The following SRPK2 variants were observed in gnomAD, a reference collection of about 807,000 sequenced individuals.
The protein encoded by SRPK2 is SFRS protein kinase 2.
A neutral mutation model predicts 90.8 loss-of-function variants in SRPK2; 21 were observed. That is an observed-to-expected ratio of 0.23 (90% CI 0.16 to 0.33). The LOEUF (loss-of-function observed/expected upper bound fraction) is 0.33. Ranked by LOEUF, SRPK2 falls within the 10% of genes least tolerant of loss-of-function variation. The pLI is 1.00. For missense variants in SRPK2, 620 were observed against 869.0 expected, an observed-to-expected ratio of 0.71 and a Z score of 3.60; for synonymous variants, 288 against 311.1, an observed-to-expected ratio of 0.93 and a Z score of 0.78.
intron 2 of SRPK2, among the ~76,000 whole-genome samples, chr7:105,285,615 A>G (rs1807994401): frequency 6.6e-6 from 1 of 152,166 alleles, no homozygotes; most frequent in Non-Finnish European, 1.5e-5. Flanking sequence ...TGGATCCCGC[A>G]TGAATGGCTT....
intron 3 of SRPK2, among the ~76,000 whole-genome samples, chr7:105,201,625 G>A (rs551733644): frequency 9.3e-5 from 11 of 118,434 alleles, no homozygotes; most frequent in South Asian, 3.1e-4. Context: ...AGACCCTGTC[G>A]CTACCAGAAG....
At chr7:105,385,628 C>T (rs2132762797) in intron 2 of SRPK2, among the ~76,000 whole-genome samples, 1 of 152,290 alleles carries the variant, frequency 6.6e-6, no homozygotes, top group East Asian at 1.9e-4. Context: ...TCGAATACTT[C>T]CAGCCCATTC....
intron 2 of SRPK2, among the ~76,000 whole-genome samples, chr7:105,295,036 C>T (rs569385995): frequency 6.6e-6 from 1 of 152,020 alleles, no homozygotes; most frequent in Admixed American, 6.6e-5. Context: ...CATGGCGAAA[C>T]CCTGTCTCTA....
At chr7:105,293,018 C>T (rs1286151019) in intron 2 of SRPK2, among the ~76,000 whole-genome samples, 2 of 151,910 alleles carry the variant, frequency 1.3e-5, no homozygotes, top group East Asian at 3.9e-4. Flanking sequence ...CGTGGTGGCT[C>T]ACGCCTGTAA....
At chr7:105,194,662 C>A (rs947115901) in intron 3 of SRPK2, among the ~76,000 whole-genome samples, 1 of 152,084 alleles carries the variant, frequency 6.6e-6, no homozygotes, top group African/African-American at 2.4e-5. Flanking sequence ...ATTATTAAGG[C>A]GTATCTAAAA....
intron 9 of SRPK2, among the ~76,000 whole-genome samples, chr7:105,144,324 G>A (rs949747634): frequency 2.5e-4 from 37 of 149,010 alleles, no homozygotes; most frequent in African/African-American, 8.9e-4. Context: ...CACTGCAACC[G>A]TTACCTCCTG....
In SRPK2 at chr7:105,388,921, T is replaced by A; in HGVS notation, c.-115A>T. 1 of 1,205,134 alleles carries A rather than the reference T, an allele frequency of 8.3e-7. No individual in the cohort carries two copies. The highest frequency in any genetic ancestry group is 1.0e-6 in the Non-Finnish European group (1 of 974,562). 74.7% of individuals were successfully genotyped at this position (1,205,134 alleles called of 1,614,324 possible). On this transcript the variant is annotated 5_prime_UTR_variant, in exon 1 of 16. Coordinates refer to ENST00000393651, the MANE Select transcript of SRPK2 (RefSeq NM_182692.3). ...GCCGGGAGGAGACGAGAACCGCGCC[T>A]GCGCCGCCGCCGCCGCCGCCGCTCC...
intron 2 of SRPK2, among the ~76,000 whole-genome samples, chr7:105,260,492 A>T (rs1199209512): frequency 6.6e-6 from 1 of 152,216 alleles, no homozygotes; most frequent in African/African-American, 2.4e-5. Context: ...TCAAGGATCT[A>T]GAACTAGAAA....
chr7:105,224,478 G>A (rs1368743940), intron 2 of SRPK2, among the ~76,000 whole-genome samples: 3 of 152,046 alleles, frequency 2.0e-5, no homozygotes, highest in East Asian at 3.9e-4. Context: ...GAATGGTGGT[G>A]CACGCCAGTA....
intron 2 of SRPK2, among the ~76,000 whole-genome samples, chr7:105,379,504 G>C (rs893044078): frequency 6.6e-6 from 1 of 152,118 alleles, no homozygotes; most frequent in Non-Finnish European, 1.5e-5. Flanking sequence ...TTCAAGAACA[G>C]ACAAAACTAA....
intron 2 of SRPK2, among the ~76,000 whole-genome samples, chr7:105,236,986 T>TA (rs1800222480): frequency 6.6e-6 from 1 of 152,216 alleles, no homozygotes; most frequent in Non-Finnish European, 1.5e-5. Context: ...CTTAAGGATT[T>TA]AAATTATAGT....
Position 105,142,416 on chromosome 7 carries a change from G to C in SRPK2, c.1135C>G (p.Gln379Glu). Reference protein sequence around the residue: ...NIEKDEDDVDQELANIDPTWI... With the variant: ...NIEKDEDDVDEELANIDPTWI... ...GTAGGGTCTATGTTCGCAAGTTCCT[G>C]ATCTACATCATCTTCATCTTTTTCA... The change falls in exon 11 of 16, where the codon CAG (glutamine) becomes GAG (glutamate). Residue 379 changes from glutamine to glutamate, a missense_variant. Gln to Glu is a conservative substitution (Grantham distance 29). Coordinates refer to ENST00000393651, the MANE Select transcript of SRPK2 (RefSeq NM_182692.3). 1 of 1,614,042 alleles carries C rather than the reference G, an allele frequency of 6.2e-7. No individual in the cohort carries two copies. The highest frequency in any genetic ancestry group is 8.5e-7 in the Non-Finnish European group (1 of 1,179,996).
intron 2 of SRPK2, among the ~76,000 whole-genome samples, chr7:105,249,849 A>G (rs908394598): frequency 3.9e-5 from 6 of 152,246 alleles, no homozygotes; most frequent in South Asian, 4.1e-4. Flanking sequence ...CAACTATACT[A>G]AAGTTAAAAA....
Position 105,152,630 on chromosome 7 carries a change from T to A in SRPK2, c.622-5972A>T, listed in dbSNP as rs151308302. On this transcript the variant is annotated intron_variant, in intron 7 of 15. Coordinates refer to ENST00000393651, the MANE Select transcript of SRPK2 (RefSeq NM_182692.3). ...ACAAACCAAAAGGAATCATGTTTCA[T>A]CCCCATGGATAGATCTCCCCTTGCA... is the stretch of plus-strand genomic sequence containing the variant. Among the ~76,000 whole-genome samples the A allele has an allele frequency of 3.0e-3, 464 of 152,316 alleles. 13 individuals carry two copies. In the East Asian group the frequency reaches 0.062, roughly 20 times the overall value.
chr7:105,214,061 A>C (rs1045290172), intron 2 of SRPK2, among the ~76,000 whole-genome samples: 4 of 152,238 alleles, frequency 2.6e-5, no homozygotes, highest in Non-Finnish European at 5.9e-5. Flanking sequence ...AAATGGAATA[A>C]AATTAAAAAT....
intron 2 of SRPK2, among the ~76,000 whole-genome samples, chr7:105,242,332 T>A (rs1800922995): frequency 1.3e-5 from 2 of 152,012 alleles, no homozygotes; most frequent in African/African-American, 4.8e-5. Context: ...GCCAACATGG[T>A]GAAACCCCAT....
At chr7:105,279,507 G>A (rs1395990533) in intron 2 of SRPK2, among the ~76,000 whole-genome samples, 3 of 152,102 alleles carry the variant, frequency 2.0e-5, no homozygotes, top group Non-Finnish European at 4.4e-5. Flanking sequence ...CCCCAGGAGG[G>A]TGTGAACAAA....
chr7:105,321,820 G>A (rs549223862), intron 2 of SRPK2, among the ~76,000 whole-genome samples: 9 of 152,162 alleles, frequency 5.9e-5, no homozygotes, highest in Non-Finnish European at 1.2e-4. Flanking sequence ...AAAATATGTG[G>A]AGAAATTGAA....
chr7:105,272,641 T>C (rs1805970503), intron 2 of SRPK2, among the ~76,000 whole-genome samples: 2 of 152,146 alleles, frequency 1.3e-5, no homozygotes, highest in African/African-American at 2.4e-5. Flanking sequence ...GATCCTTCTG[T>C]CTACATACAC....
Sources: gnomAD v4.1 joint callset for allele counts (sites outside exome capture counted in the v4.1 genomes callset) on GRCh38, gnomAD v4.1.1 for gene constraint, MANE v1.5 for transcripts, NCBI Gene and HGNC (gene_info 2026-07-23, HGNC 2026-07-21) for gene names.